KLHL23: variants seen among roughly 807,000 people sequenced by gnomAD.
The protein encoded by KLHL23 is kelch-like protein 23.
Under a neutral mutation model 48.9 loss-of-function variants are expected in KLHL23, and 33 were observed. That is an observed-to-expected ratio of 0.67 (90% confidence interval 0.51 to 0.90). The LOEUF (loss-of-function observed/expected upper bound fraction) is 0.90. Among genes scored for constraint, KLHL23 ranks in the 40% least tolerant of loss-of-function variants. KLHL23 has a pLI of 0.00. For synonymous variants in KLHL23, 234 were observed against 231.6 expected (o/e 1.01, Z -0.09); for missense variants, 608 against 669.6 (o/e 0.91, Z 1.02).
At position 169,735,058 on chromosome 2, in the gene KLHL23, A is replaced by G; in HGVS notation, c.44A>G (p.Asp15Gly). The G allele has an allele frequency of 6.3e-7, 1 of 1,585,868 alleles. No homozygotes were observed. The highest frequency in any genetic ancestry group is 8.5e-7 in the Non-Finnish European group (1 of 1,171,146). Residue 15 changes from aspartate to glycine, a missense_variant, in exon 2 of 4, where the codon GAT (aspartate) becomes GGT (glycine). Asp to Gly is a moderately conservative substitution (Grantham distance 94). This residue lies in a region of KLHL23 where 419 missense variants were observed against 473.1 expected (regional missense o/e 0.89). Transcript: ENST00000392647. The surrounding 1 kb of genome is among the most constrained non-coding windows in gnomAD (Gnocchi z 4.5). The part of the protein sequence containing the change: ...GQEDYIYLFK[D>G]STHPVDFLDA... ...GAAGATTATATTTATCTTTTCAAGGATTCAACACATCCAGTGGATTTTCTG... is the reference window on the plus strand; with the variant it reads ...GAAGATTATATTTATCTTTTCAAGGGTTCAACACATCCAGTGGATTTTCTG...
intron 2 of KLHL23, among the ~76,000 whole-genome samples, chr2:169,738,617 T>A (rs2105643791): frequency 6.6e-6 from 1 of 152,226 alleles, no homozygotes; most frequent in East Asian, 1.9e-4. Flanking sequence ...CTTGGCTGTT[T>A]AGGAACTCCT....
In KLHL23 at chr2:169,750,014, CGTAT is replaced by C. The variant is rs1165350840; in HGVS notation, c.*291_*294del. On this transcript the variant is annotated 3_prime_UTR_variant, in exon 4 of 4. Coordinates refer to ENST00000392647, the MANE Select transcript of KLHL23 (RefSeq NM_144711.6). ...ATGTATACATATATGTGTATATATA[CGTAT>C]GTATGTATACATATGTGTATATATA... The C allele has an allele frequency of 1.2e-4, 16 of 134,250 alleles. 2 individuals are homozygous for C. The highest frequency in any genetic ancestry group is 3.9e-4 in the African/African-American group (11 of 28,256). The allele number at this position is 134,250 out of a possible 1,614,324, so 8.3% of individuals were successfully genotyped here.
intron 1 of KLHL23, among the ~76,000 whole-genome samples, chr2:169,734,526 GC>G (rs1558944156): frequency 6.6e-6 from 1 of 152,160 alleles, no homozygotes; most frequent in African/African-American, 2.4e-5. Context: ...AAGCGAAAGG[GC>G]TCGGGATTTC....
chr2:169,749,509 A>G lies in KLHL23; in HGVS notation c.1454A>G (p.Gln485Arg), dbSNP rs752224805. 12 of 1,614,174 alleles carry G rather than the reference A, an allele frequency of 7.4e-6. No homozygotes were observed. The highest frequency in any genetic ancestry group is 1.0e-5 in the Non-Finnish European group (12 of 1,180,028). Residue 485 changes from glutamine to arginine, a missense_variant, in exon 4 of 4, where the codon CAA becomes CGA. By Grantham distance (43) the Gln-to-Arg change is conservative. Around this residue, in one of 3 missense-constraint regions of KLHL23, gnomAD observed 179 missense variants for 169.9 expected, o/e 1.05. Transcript: ENST00000392647. ...TTITECYDPEQNEWREIAPMM... is the reference protein window; with the variant it reads ...TTITECYDPERNEWREIAPMM... Reference sequence around the variant, plus strand: ...ATCACAGAATGCTATGACCCTGAACAAAATGAATGGAGAGAGATAGCTCCC... The same window carrying G: ...ATCACAGAATGCTATGACCCTGAACGAAATGAATGGAGAGAGATAGCTCCC...
chr2:169,735,052 T>A lies in KLHL23; in HGVS notation c.38T>A (p.Phe13Tyr). ...LKGQEDYIYL[F>Y]KDSTHPVDFL... ...GGACAAGAAGATTATATTTATCTTT[T>A]CAAGGATTCAACACATCCAGTGGAT... Residue 13 changes from phenylalanine to tyrosine, a missense_variant, in exon 2 of 4, where the codon TTC (phenylalanine) becomes TAC (tyrosine). Around this residue, in one of 3 missense-constraint regions of KLHL23, gnomAD observed 419 missense variants for 473.1 expected, o/e 0.89. Transcript: ENST00000392647. The surrounding 1 kb of genome is among the most constrained non-coding windows in gnomAD (Gnocchi z 4.5). 2 of 1,577,396 alleles carry A rather than the reference T, an allele frequency of 1.3e-6. No individual in the cohort carries two copies. Among genetic ancestry groups the A allele is most frequent in the Non-Finnish European group, 1.7e-6 (2 of 1,167,674 alleles).
rs149660003 is a variant in KLHL23 at position 169,749,710 on chromosome 2, G to A, written c.1655G>A (p.Cys552Tyr). ...NLPSAMRSHG[C>Y]VCVYNV ...CCCAGTGCCATGCGGTCTCATGGGT[G>A]TGTTTGTGTGTATAATGTCTAATTG... The change falls in exon 4 of 4, where the codon TGT becomes TAT. Residue 552 changes from cysteine to tyrosine, a missense_variant. By Grantham distance (194) the Cys-to-Tyr change is radical. Coordinates refer to ENST00000392647, the MANE Select transcript of KLHL23 (RefSeq NM_144711.6). The A allele has an allele frequency of 6.3e-5, 101 of 1,606,202 alleles. No homozygotes were observed. Among genetic ancestry groups the A allele is most frequent in the Non-Finnish European group, 6.8e-6 (8 of 1,173,588 alleles).
rs139989981 is a variant in KLHL23, at chr2:169,741,686, T to C, written c.1366+149T>C. The stretch of plus-strand genomic sequence containing the variant: ...AAAAGTCTCAAAATATTCATATATG[T>C]CCATCTAACAATAATCACAATGAGA... On this transcript the variant is annotated intron_variant, in intron 3 of 3. Coordinates refer to ENST00000392647, the MANE Select transcript of KLHL23 (RefSeq NM_144711.6). 144 of 1,002,938 alleles carry C rather than the reference T, an allele frequency of 1.4e-4. No individual in the cohort carries two copies. The East Asian group carries it at 3.2e-3, about 22-fold the overall frequency. 62.1% of individuals were successfully genotyped at this position (1,002,938 alleles called of 1,614,324 possible). A position where few individuals can be genotyped will look rare whatever the true frequency, so the allele number is the denominator to read the frequency against.
At chr2:169,740,111 G>A (rs1688637184) in intron 2 of KLHL23, among the ~76,000 whole-genome samples, 1 of 152,110 alleles carries the variant, frequency 6.6e-6, no homozygotes, top group Admixed American at 6.6e-5. Context: ...GTACACTACT[G>A]TAGACTTTTT....
chr2:169,748,340 AG>A (rs1688851827), intron 3 of KLHL23, among the ~76,000 whole-genome samples: 1 of 152,210 alleles, frequency 6.6e-6, no homozygotes, highest in Admixed American at 6.5e-5. Context: ...CAGAAGGAAC[AG>A]CTCAGCGATA....
rs4667607 is a variant in KLHL23 at position 169,749,471 on chromosome 2, C to T, written c.1416C>T (p.Gly472=). 1,611,980 of 1,614,060 alleles carry T rather than the reference C, an allele frequency of 1. 804,979 individuals are homozygous for T. The highest frequency in any genetic ancestry group is 1 in the East Asian group (44,874 of 44,874). Residue 472 remains glycine, a synonymous_variant, in exon 4 of 4, where the codon GGC becomes GGT. Transcript: ENST00000392647. ...TTGAAAATAAGCTCTATCTAGTCGG[C>T]GGACAAACTACAATCACAGAATGCT... The part of the protein sequence containing the change: ...VPFENKLYLV[G]GQTTITECYD...
At position 169,749,913 on chromosome 2, in the gene KLHL23, T is replaced by TATA. The variant is rs1688900824; in HGVS notation, c.*181_*182insATA. 5.1e-4 allele frequency: 112 copies of TATA among 218,890 alleles called. 5 individuals carry two copies. The highest frequency in any genetic ancestry group is 4.6e-3 in the African/African-American group (105 of 22,834). The allele number at this position is 218,890 out of a possible 1,614,324, so 13.6% of individuals were successfully genotyped here. On this transcript the variant is annotated 3_prime_UTR_variant, in exon 4 of 4. Transcript: ENST00000392647. ...TGGTGATTCATGGTCAAGAAAAATC[T>TATA]TATATATATATATATATACACACAC...
intron 2 of KLHL23, among the ~76,000 whole-genome samples, chr2:169,738,301 C>A (rs1310549284): frequency 1.3e-5 from 2 of 150,146 alleles, no homozygotes; most frequent in Non-Finnish European, 3.0e-5. Flanking sequence ...GGCGGGGGGT[C>A]TCACTATGTT....
intron 3 of KLHL23, among the ~76,000 whole-genome samples, chr2:169,742,496 A>G (rs1688699419): frequency 6.6e-6 from 1 of 152,238 alleles, no homozygotes; most frequent in African/African-American, 2.4e-5. Flanking sequence ...GTGGTAGACC[A>G]GGGTTCAAAA....
In KLHL23 at chr2:169,749,579, A is replaced by G; in HGVS notation, c.1524A>G (p.Gly508=). 1 of 1,613,982 alleles carries G rather than the reference A, an allele frequency of 6.2e-7. No individual in the cohort carries two copies. Among genetic ancestry groups the G allele is most frequent in the East Asian group, 2.2e-5 (1 of 44,868 alleles). The change falls in exon 4 of 4, where the codon GGA becomes GGG. Residue 508 remains glycine (G), a synonymous_variant. Transcript: ENST00000392647. The part of the protein sequence containing the change: ...RMECGAVIMN[G]CIYVTGGYSY... ...AGTGCGGTGCCGTCATCATGAATGG[A>G]TGTATTTATGTCACTGGAGGATACT...
intron 2 of KLHL23, among the ~76,000 whole-genome samples, chr2:169,737,802 A>G (rs1688554322): frequency 6.6e-6 from 1 of 151,970 alleles, no homozygotes; most frequent in African/African-American, 2.4e-5. Flanking sequence ...TTTAGTAGAG[A>G]CGGGGTTTCA....
At position 169,749,328 on chromosome 2, in the gene KLHL23, A is replaced by C. The variant is rs898122763; in HGVS notation, c.1367-94A>C. 7.5e-6 allele frequency: 10 copies of C among 1,336,070 alleles called. No homozygotes were observed. In the African/African-American group the frequency reaches 1.3e-4, roughly 18 times the overall value. 82.8% of individuals were successfully genotyped at this position (1,336,070 alleles called of 1,614,324 possible). On this transcript the variant is annotated intron_variant, in intron 3 of 3. Transcript: ENST00000392647. ...CACCACTCCCTATTTTTTGTGTGCTAAATTTTAAAGGATTATTACATTACC... is the reference window on the plus strand; with the variant it reads ...CACCACTCCCTATTTTTTGTGTGCTCAATTTTAAAGGATTATTACATTACC...
rs1298807804 is a variant in KLHL23 at position 169,735,283 on chromosome 2, G to T, written c.269G>T (p.Gly90Val). 1.2e-6 allele frequency: 2 copies of T among 1,612,536 alleles called. No individual in the cohort carries two copies. Among genetic ancestry groups the T allele is most frequent in the Non-Finnish European group, 1.7e-6 (2 of 1,179,746 alleles). Reference protein sequence around the residue: ...LSGIHHDILEGLVNYAYTSQI... With the variant: ...LSGIHHDILEVLVNYAYTSQI... The stretch of plus-strand genomic sequence containing the variant: ...GGCATCCACCATGATATTCTGGAAG[G>T]CCTTGTAAATTATGCATACACTTCC... The change falls in exon 2 of 4, where the codon GGC becomes GTC. Residue 90 changes from glycine (G) to valine (V), a missense_variant. By Grantham distance (109) the Gly-to-Val change is moderately radical (BLOSUM62 -3). This residue lies in a region of KLHL23 where 419 missense variants were observed against 473.1 expected (regional missense o/e 0.89). Coordinates refer to ENST00000392647, the MANE Select transcript of KLHL23 (RefSeq NM_144711.6). This position sits in a 1 kb window ranked among gnomAD's most constrained non-coding sequence, Gnocchi z 4.5.
In KLHL23 at chr2:169,740,766, TTATATA is replaced by T. The variant is rs55779546; in HGVS notation, c.1214-598_1214-593del. Among the ~76,000 whole-genome samples the T allele has an allele frequency of 4.6e-3, 583 of 125,510 alleles. 17 individuals are homozygous for T. Among genetic ancestry groups the T allele is most frequent in the African/African-American group, 0.017 (553 of 33,028 alleles). The allele number at this position is 125,510 out of a possible 152,430, so 82.3% of individuals were successfully genotyped here. On this transcript the variant is annotated intron_variant, in intron 2 of 3. Transcript: ENST00000392647. The stretch of plus-strand genomic sequence containing the variant: ...CCCGGCCTCTATAAGCTTTTTTATA[TTATATA>T]TATATATATATATATATATAACTTA...
chr2:169,734,255 C>T, intron 1 of KLHL23, among the ~76,000 whole-genome samples, 168 bp downstream of exon 1: 1 of 146,774 alleles, frequency 6.8e-6, no homozygotes, highest in East Asian at 2.0e-4. Flanking sequence ...GGGCCGAACG[C>T]GTTGCGCTGG....
Sources: allele counts gnomAD v4.1 joint callset (sites outside exome capture counted in the v4.1 genomes callset), GRCh38; gene constraint gnomAD v4.1.1; regional missense constraint gnomAD v4.1.1; non-coding constraint Gnocchi (gnomAD v3.1); transcripts MANE v1.5; gene names NCBI Gene and HGNC (gene_info 2026-07-23, HGNC 2026-07-21).